DNAJB6: variants seen among roughly 807,000 people sequenced by gnomAD.
DNAJB6 encodes the protein dnaJ homolog subfamily B member 6.
In DNAJB6, 16 loss-of-function variants were observed where a neutral mutation model predicts 42.7. That is an observed-to-expected ratio of 0.37 (90% confidence interval 0.25 to 0.57). DNAJB6 has a LOEUF of 0.57. Ranked by LOEUF, DNAJB6 falls within the 20% of genes least tolerant of loss-of-function variation. The pLI is 0.74. For synonymous variants in DNAJB6, 170 were observed against 163.5 expected, an observed-to-expected ratio of 1.04 and a Z score of -0.30; for missense variants, 347 against 416.8, an observed-to-expected ratio of 0.83 and a Z score of 1.46.
In DNAJB6 at chr7:157,382,350, G is replaced by A; in HGVS notation, c.451G>A (p.Gly151Arg). 6.6e-7 allele frequency: 1 copy of A among 1,516,892 alleles called. No homozygotes were observed. Among genetic ancestry groups the A allele is most frequent in the Non-Finnish European group, 8.9e-7 (1 of 1,120,282 alleles). The allele number at this position is 1,516,892 out of a possible 1,614,324, so 94.0% of individuals were successfully genotyped here. Residue 151 changes from glycine (G) to arginine (R), a missense_variant, in exon 6 of 10, where the codon GGA becomes AGA. Gly to Arg is a moderately radical substitution (Grantham distance 125). Around this residue, in one of 3 missense-constraint regions of DNAJB6, gnomAD observed 264 missense variants for 288.0 expected, o/e 0.92. Coordinates refer to ENST00000262177, the MANE Select transcript of DNAJB6 (RefSeq NM_058246.4). ...FSAFSGFPSFGSGFSSFDTGF... is the reference protein window; with the variant it reads ...FSAFSGFPSFRSGFSSFDTGF... ...TGCGTTCAGTGGATTTCCGTCTTTT[G>A]GAAGTGGATTTTCTTCTTTTGATAC...
intron 6 of DNAJB6, 114 bp from the exon 7 acceptor site, chr7:157,384,753 C>G: frequency 9.5e-7 from 1 of 1,057,714 alleles, no homozygotes; most frequent in South Asian, 1.5e-5. Context: ...GTTTATTACT[C>G]CTCGGTTCTA....
At chr7:157,383,842 G>T (rs1800916603) in intron 6 of DNAJB6, among the ~76,000 whole-genome samples, 1 of 152,206 alleles carries the variant, frequency 6.6e-6, no homozygotes, top group African/African-American at 2.4e-5. Context: ...AACATGGGAA[G>T]CAGTGTAAAA....
intron 8 of DNAJB6, chr7:157,386,026 C>T (rs537641438): frequency 1.0e-6 from 1 of 992,302 alleles, no homozygotes; most frequent in South Asian, 4.7e-5. Flanking sequence ...GTGAAGTTAA[C>T]ATTGCCAGGA....
At chr7:157,400,405 G>A (rs1801808493) in intron 8 of DNAJB6, among the ~76,000 whole-genome samples, 1 of 152,260 alleles carries the variant, frequency 6.6e-6, no homozygotes, top group African/African-American at 2.4e-5. Flanking sequence ...TGTGCAGCAG[G>A]CCGGCTGGTG....
chr7:157,369,619 ATTGTTATTAAAGAGGCCCTTTCTTC>A, intron 5 of DNAJB6: 3 of 296,860 alleles, frequency 1.0e-5, no homozygotes, highest in African/African-American at 7.3e-5. Context: ...CCTTCTTAAC[ATTGTTATTAAAGAGGCCCTTTCTTC>A]ACATTATTAT....
Position 157,416,120 on chromosome 7 carries a change from G to GC in DNAJB6, c.*23dup. On this transcript the variant is annotated 3_prime_UTR_variant, in exon 10 of 10. Transcript: ENST00000262177. ...CTAGACCGGACTTGAGGCACGCGGTGCACCCCCAGACGCTGGCGCTCCACC... is the reference window on the plus strand; with the variant it reads ...CTAGACCGGACTTGAGGCACGCGGTGCCACCCCCAGACGCTGGCGCTCCACC... 1 of 1,609,348 alleles carries GC rather than the reference G, an allele frequency of 6.2e-7. No individual in the cohort carries two copies. The highest frequency in any genetic ancestry group is 8.5e-7 in the Non-Finnish European group (1 of 1,177,342).
At chr7:157,395,684 CTTTT>C (rs869242320) in intron 8 of DNAJB6, among the ~76,000 whole-genome samples, 3 of 131,892 alleles carry the variant, frequency 2.3e-5, no homozygotes, top group African/African-American at 5.6e-5. Flanking sequence ...TTTTTCTTTT[CTTTT>C]TTTTTTTTTT....
At position 157,352,299 on chromosome 7, in the gene DNAJB6, G is replaced by A. The variant is rs114631627; in HGVS notation, c.-26-6248G>A. 4.2e-3 allele frequency among the ~76,000 whole-genome samples: 637 copies of A among 151,834 alleles called. 5 individuals are homozygous for A. Among genetic ancestry groups the A allele is most frequent in the African/African-American group, 0.015 (611 of 41,412 alleles). On this transcript the variant is annotated intron_variant, in intron 1 of 9. Coordinates refer to ENST00000262177, the MANE Select transcript of DNAJB6 (RefSeq NM_058246.4). ...AGCCAAAATTGTGCTACTCTACTCT[G>A]GCGACAGAGCAAGACTCTGTCTCAA...
At chr7:157,363,123 G>T (rs1799685425) in intron 2 of DNAJB6, 38 bp from the exon 3 acceptor site, 3 of 1,421,220 alleles carry the variant, frequency 2.1e-6, no homozygotes, top group East Asian at 4.7e-5. Context: ...TTGATTTCTG[G>T]ATTTAGAATG....
At chr7:157,355,149 TTTTA>T (rs199521094) in intron 1 of DNAJB6, among the ~76,000 whole-genome samples, 1 of 152,232 alleles carries the variant, frequency 6.6e-6, no homozygotes, top group South Asian at 2.1e-4. Flanking sequence ...CCGTAGTTTC[TTTTA>T]TTTATTTATT....
At chr7:157,387,046 C>CG (rs893409977) in intron 8 of DNAJB6, among the ~76,000 whole-genome samples, 3 of 152,240 alleles carry the variant, frequency 2.0e-5, no homozygotes, top group Admixed American at 2.0e-4. Flanking sequence ...GCGTGAAAAC[C>CG]GCTAGAAGGA....
At chr7:157,395,809 C>T (rs996365663) in intron 8 of DNAJB6, among the ~76,000 whole-genome samples, 5 of 150,996 alleles carry the variant, frequency 3.3e-5, no homozygotes, top group Admixed American at 1.3e-4. Flanking sequence ...TGTGCCACCA[C>T]ACCCGGCTAA....
intron 8 of DNAJB6, among the ~76,000 whole-genome samples, chr7:157,397,802 T>G (rs891306497): frequency 3.3e-5 from 5 of 152,164 alleles, no homozygotes; most frequent in African/African-American, 1.2e-4. Context: ...CAATTCAGCT[T>G]CTATGTCACG....
chr7:157,375,663 C>T (rs1248616112), intron 5 of DNAJB6, among the ~76,000 whole-genome samples: 1 of 152,198 alleles, frequency 6.6e-6, no homozygotes, highest in Non-Finnish European at 1.5e-5. Context: ...CGGCCGTGTT[C>T]TTCATTGGCT....
At chr7:157,363,372 C>G (rs1295049313) in intron 3 of DNAJB6, 102 bp downstream of exon 3, 2 of 692,894 alleles carry the variant, frequency 2.9e-6, no homozygotes, top group Admixed American at 2.9e-5. Flanking sequence ...ACTCAAGTGA[C>G]TTGTTTTTGA....
intron 9 of DNAJB6, chr7:157,413,775 T>G (rs1024161038): frequency 1.4e-5 from 2 of 144,030 alleles, no homozygotes; most frequent in African/African-American, 5.3e-5. Context: ...CAGGCTGGAG[T>G]GCAGTGGCGT....
chr7:157,366,226 C>G (rs558990734), intron 3 of DNAJB6, among the ~76,000 whole-genome samples: 1 of 152,240 alleles, frequency 6.6e-6, no homozygotes. Flanking sequence ...GGTGGGATTA[C>G]AGGTGTGAGC....
rs577713603 is a variant in DNAJB6, at chr7:157,387,969, C to A, written c.691+2358C>A. 3.6e-3 allele frequency among the ~76,000 whole-genome samples: 547 copies of A among 152,174 alleles called. 3 individuals carry two copies. The highest frequency in any genetic ancestry group is 0.012 in the African/African-American group (513 of 41,518). On this transcript the variant is annotated intron_variant, in intron 8 of 9. Transcript: ENST00000262177. ...CAAGCAGTTCTCCTGCCTCAGCCTC[C>A]TGAGTAGCTGGGATTACAGGCACCC...
intron 5 of DNAJB6, chr7:157,379,518 C>T (rs896482500): frequency 6.6e-6 from 1 of 152,242 alleles, no homozygotes; most frequent in African/African-American, 2.4e-5. Context: ...CACTCTTACC[C>T]AGGTTGGAGT....
Sources: allele counts gnomAD v4.1 joint callset (sites outside exome capture counted in the v4.1 genomes callset), GRCh38; gene constraint gnomAD v4.1.1; regional missense constraint gnomAD v4.1.1; transcripts MANE v1.5; gene names NCBI Gene and HGNC (gene_info 2026-07-23, HGNC 2026-07-21).